Variants in ZFPM2 observed in about 807,000 individuals in gnomAD.
ZFPM2 encodes zinc finger protein, FOG family member 2.
ZFPM2 carries 20 observed loss-of-function variants against 98.6 expected under a neutral mutation model. The observed-to-expected ratio is 0.20, with a 90% confidence interval of 0.14 to 0.29. The LOEUF (loss-of-function observed/expected upper bound fraction) is 0.29, where lower values mean the gene tolerates loss of function less well. ZFPM2 is among the 10% of genes least tolerant of loss of function. The probability of loss-of-function intolerance (pLI) is 1.00; values close to 1 mark genes in which losing one functional copy is unlikely to be tolerated. For missense variants in ZFPM2, 1,310 were observed against 1,388.6 expected (o/e 0.94, Z 0.90); for synonymous variants, 518 against 502.7 (o/e 1.03, Z -0.41).
chr8:105,693,268 G>C (rs1810932293), intron 5 of ZFPM2, among the ~76,000 whole-genome samples: 1 of 152,190 alleles, frequency 6.6e-6, no homozygotes, highest in Non-Finnish European at 1.5e-5. Context: ...CATGAATAAT[G>C]GCTTTGCCCT....
chr8:105,334,901 T>TAGC (rs1586298967), intron 1 of ZFPM2, among the ~76,000 whole-genome samples: 1 of 151,666 alleles, frequency 6.6e-6, no homozygotes, highest in South Asian at 2.1e-4. Context: ...TCGTGGGCAG[T>TAGC]AGCAGCAGCA....
At position 105,802,493 on chromosome 8, in the gene ZFPM2, C is replaced by T. The variant is rs773282164; in HGVS notation, c.2411C>T (p.Thr804Met). Residue 804 changes from threonine to methionine, a missense_variant, in exon 8 of 8, where the codon ACG becomes ATG. Thr to Met is a moderately conservative substitution (Grantham distance 81). Transcript: ENST00000407775. ...TCTAAACACTTGGAAACTTCTCTGA[C>T]GATCAACAAGTGTGTTCCAGTTTCC... is the stretch of plus-strand genomic sequence containing the variant. The part of the protein sequence containing the change: ...IVSKHLETSL[T>M]INKCVPVSKC... 1.4e-5 allele frequency: 23 copies of T among 1,612,440 alleles called. No homozygotes were observed. The highest frequency in any genetic ancestry group is 4.5e-5 in the East Asian group (2 of 44,828).
chr8:105,471,999 C>A (rs1812913589), intron 3 of ZFPM2, among the ~76,000 whole-genome samples: 1 of 152,092 alleles, frequency 6.6e-6, no homozygotes, highest in Admixed American at 6.5e-5. Flanking sequence ...TACTTGAGCA[C>A]CATCCCAGAT....
intron 3 of ZFPM2, among the ~76,000 whole-genome samples, chr8:105,457,023 T>C (rs542871646): frequency 1.2e-4 from 19 of 152,230 alleles, no homozygotes; most frequent in Admixed American, 8.5e-4. Flanking sequence ...AAATAGCTTA[T>C]GATTTTTGTG....
At chr8:105,393,334 T>TCTGTCTGTC (rs374340648) in intron 1 of ZFPM2, among the ~76,000 whole-genome samples, 10 of 124,318 alleles carry the variant, frequency 8.0e-5, no homozygotes, top group East Asian at 2.3e-4. Flanking sequence ...CTCTCTCTCT[T>TCTGTCTGTC]TGCCTTTCTT....
chr8:105,496,880 G>T (rs1813479282), intron 3 of ZFPM2, among the ~76,000 whole-genome samples: 3 of 148,538 alleles, frequency 2.0e-5, no homozygotes, highest in Admixed American at 2.0e-4. Context: ...TACTTGGGAG[G>T]CTGAGGCAGG....
At chr8:105,501,781 ATCT>A (rs1370109241) in intron 3 of ZFPM2, among the ~76,000 whole-genome samples, 1 of 152,108 alleles carries the variant, frequency 6.6e-6, no homozygotes, top group Non-Finnish European at 1.5e-5. Context: ...CACCATGCCC[ATCT>A]TCTTTTCTTT....
chr8:105,585,739 G>C (rs1815697428), intron 4 of ZFPM2, among the ~76,000 whole-genome samples: 1 of 152,012 alleles, frequency 6.6e-6, no homozygotes, highest in African/African-American at 2.4e-5. Flanking sequence ...CCTAACATGT[G>C]GGAGGATTGC....
At chr8:105,329,223 A>G (rs186650024) in intron 1 of ZFPM2, among the ~76,000 whole-genome samples, 4 of 151,990 alleles carry the variant, frequency 2.6e-5, no homozygotes, top group African/African-American at 9.6e-5. Context: ...CTTTTGCGAT[A>G]GAAGATGGGG....
rs571547783 is a variant in ZFPM2, at chr8:105,408,769, C to A, written c.41-10375C>A. On this transcript the variant is annotated intron_variant, in intron 1 of 7. Transcript: ENST00000407775. ...TTCATCATTATTTACTGTGTCAAAC[C>A]CACAAGGAGGGCCAAACTGGCAGTG... Among the ~76,000 whole-genome samples, 4 of 151,842 alleles carry A rather than the reference C, an allele frequency of 2.6e-5. No homozygotes were observed. In the South Asian group the frequency reaches 8.3e-4, roughly 32 times the overall value.
intron 4 of ZFPM2, among the ~76,000 whole-genome samples, chr8:105,628,343 T>C (rs1816696532): frequency 1.3e-5 from 2 of 152,194 alleles, no homozygotes; most frequent in South Asian, 2.1e-4. Context: ...ACAGTCACCA[T>C]TGTGTATTTG....
intron 5 of ZFPM2, among the ~76,000 whole-genome samples, chr8:105,758,718 A>C (rs1812666444): frequency 6.6e-6 from 1 of 152,110 alleles, no homozygotes; most frequent in East Asian, 1.9e-4. Flanking sequence ...CACATGCATT[A>C]CTGAGTTATT....
chr8:105,492,167 T>C (rs1348114624), intron 3 of ZFPM2, among the ~76,000 whole-genome samples: 1 of 152,164 alleles, frequency 6.6e-6, no homozygotes, highest in Non-Finnish European at 1.5e-5. Context: ...ATGTTTCTGT[T>C]TTACTGTGCG....
chr8:105,332,295 T>C (rs1427624433), intron 1 of ZFPM2, among the ~76,000 whole-genome samples: 1 of 151,784 alleles, frequency 6.6e-6, no homozygotes, highest in Non-Finnish European at 1.5e-5. Flanking sequence ...GTTGACTTTG[T>C]ACTAGAATGT....
At chr8:105,578,867 A>C (rs1563727928) in intron 4 of ZFPM2, among the ~76,000 whole-genome samples, 6 of 152,184 alleles carry the variant, frequency 3.9e-5, no homozygotes. Flanking sequence ...AGGTACCTTC[A>C]TAACTCCACA....
At chr8:105,424,156 A>AAAC (rs1811859770) in intron 2 of ZFPM2, among the ~76,000 whole-genome samples, 1 of 152,228 alleles carries the variant, frequency 6.6e-6, no homozygotes, top group Non-Finnish European at 1.5e-5. Context: ...GAATTACAAA[A>AAAC]AACAAAGATA....
At chr8:105,347,164 T>A (rs1812554286) in intron 1 of ZFPM2, among the ~76,000 whole-genome samples, 1 of 149,934 alleles carries the variant, frequency 6.7e-6, no homozygotes, top group South Asian at 2.1e-4. Context: ...AGGTGTCAGA[T>A]AGAAAAACGT....
chr8:105,783,726 A>G (rs954183381), intron 5 of ZFPM2, among the ~76,000 whole-genome samples: 13 of 152,108 alleles, frequency 8.5e-5, no homozygotes, highest in African/African-American at 2.7e-4. Context: ...GTTTCTTTTC[A>G]AGGCGGAATA....
At chr8:105,625,478 A>T (rs1232360549) in intron 4 of ZFPM2, among the ~76,000 whole-genome samples, 2 of 152,138 alleles carry the variant, frequency 1.3e-5, no homozygotes, top group South Asian at 2.1e-4. Flanking sequence ...TCCATTTTTC[A>T]ATAGAATCAC....
Sources: gnomAD v4.1 joint callset for allele counts (sites outside exome capture counted in the v4.1 genomes callset) on GRCh38, gnomAD v4.1.1 for gene constraint, MANE v1.5 for transcripts, NCBI Gene and HGNC (gene_info 2026-07-23, HGNC 2026-07-21) for gene names.